Variants in BTNL9 observed in about 807,000 individuals in gnomAD.
BTNL9 encodes butyrophilin like 9.
BTNL9 carries 45 observed loss-of-function variants against 45.8 expected under a neutral mutation model. That is an observed-to-expected ratio of 0.98 (90% CI 0.77 to 1.26). The LOEUF (loss-of-function observed/expected upper bound fraction) is 1.26. Among genes scored for constraint, BTNL9 ranks in the 50% most tolerant of loss-of-function variants. The pLI is 0.00. For missense variants in BTNL9, 784 were observed against 729.7 expected (o/e 1.07, Z -0.86); for synonymous variants, 346 against 330.8 (o/e 1.05, Z -0.50).
At chr5:181,041,957 A>G (rs1458025411) in intron 1 of BTNL9, among the ~76,000 whole-genome samples, 2 of 152,208 alleles carry the variant, frequency 1.3e-5, no homozygotes, top group African/African-American at 4.8e-5. Flanking sequence ...TATCTAAAAA[A>G]ATAACAGTAG....
chr5:181,046,863 G>C (rs986277270), intron 2 of BTNL9, among the ~76,000 whole-genome samples: 4 of 152,190 alleles, frequency 2.6e-5, no homozygotes, highest in Non-Finnish European at 4.4e-5. Context: ...TTGACAGGTA[G>C]GGGATTAGCT....
chr5:181,055,372 C>A lies in BTNL9; in HGVS notation c.908-61C>A. 6.2e-7 allele frequency: 1 copy of A among 1,613,774 alleles called. No individual in the cohort carries two copies. The highest frequency in any genetic ancestry group is 8.5e-7 in the Non-Finnish European group (1 of 1,179,956). ...AAGGAAGCTCTTCCCAGTGGCCTGT[C>A]TTGGGAAGATGGTTCCACCCACCTG... On this transcript the variant is annotated intron_variant, in intron 7 of 10. Transcript: ENST00000327705. The surrounding 1 kb of genome is among the most constrained non-coding windows in gnomAD (Gnocchi z 4.4).
chr5:181,055,051 G>A lies in BTNL9; in HGVS notation c.908-382G>A, dbSNP rs901004027. 1.6e-5 allele frequency: 17 copies of A among 1,055,016 alleles called. No individual in the cohort carries two copies. Among genetic ancestry groups the A allele is most frequent in the Non-Finnish European group, 1.9e-5 (17 of 874,670 alleles). The allele number at this position is 1,055,016 out of a possible 1,614,324, so 65.4% of individuals were successfully genotyped here. ...TTCCAGTCCTTCAGATAACGCACCC[G>A]GTGAGTGACCGTGAGGCTCACGTAG... On this transcript the variant is annotated intron_variant, in intron 7 of 10. Transcript: ENST00000327705. The surrounding 1 kb of genome is among the most constrained non-coding windows in gnomAD (Gnocchi z 4.4).
rs1435818560 is a variant in BTNL9 at position 181,042,630 on chromosome 5, T to C, written c.-24+2198T>C. Among the ~76,000 whole-genome samples the C allele has an allele frequency of 1.3e-5, 2 of 152,144 alleles. No homozygotes were observed. The highest frequency in any genetic ancestry group is 4.8e-5 in the African/African-American group (2 of 41,422). ...GCTAAAGGCTTTCAAGATGATACCC[T>C]TGAGTGTTGGGAGCAAAGGGACCAG... is the stretch of plus-strand genomic sequence containing the variant. On this transcript the variant is annotated intron_variant, in intron 1 of 10. Transcript: ENST00000327705. The surrounding 1 kb of genome is among the most constrained non-coding windows in gnomAD (Gnocchi z 4.5).
rs1761672486 is a variant in BTNL9, at chr5:181,053,261, G to T, written c.798G>T (p.Leu266=). The T allele has an allele frequency of 6.3e-7, 1 of 1,589,180 alleles. No homozygotes were observed. The highest frequency in any genetic ancestry group is 8.6e-7 in the Non-Finnish European group (1 of 1,168,982). The change falls in exon 5 of 11, where the codon CTG becomes CTT. Residue 266 remains leucine (L), a synonymous_variant. Transcript: ENST00000327705. This position sits in a 1 kb window ranked among gnomAD's most constrained non-coding sequence, Gnocchi z 6.5. The part of the protein sequence containing the change: ...KSAFVATLPL[L]LVLAALALGV... ...CGTTCGTCGCGACCCTGCCGCTGCT[G>T]TTGGTCCTCGCGGCGCTGGCGCTGG...
rs750425606 is a variant in BTNL9 at position 181,059,452 on chromosome 5, G to A, written c.1198G>A (p.Ala400Thr). The A allele has an allele frequency of 2.0e-5, 29 of 1,453,652 alleles. 1 individual carries two copies. The highest frequency in any genetic ancestry group is 1.7e-4 in the South Asian group (12 of 71,662). 90.0% of individuals were successfully genotyped at this position (1,453,652 alleles called of 1,614,324 possible). The change falls in exon 11 of 11, where the codon GCC (alanine) becomes ACC (threonine). Residue 400 changes from alanine to threonine, a missense_variant. By Grantham distance (58) the Ala-to-Thr change is moderately conservative. Coordinates refer to ENST00000327705, the MANE Select transcript of BTNL9 (RefSeq NM_152547.5). The stretch of plus-strand genomic sequence containing the variant: ...CCGCCGCAGCCGCTGGTTCCTGGGC[G>A]CCTGCCTGGCCGCGGTGCCGCGCGC... ...VGRRSRWFLG[A>T]CLAAVPRAGP...
Position 181,050,539 on chromosome 5 carries a change from C to A in BTNL9, c.736+170C>A, listed in dbSNP as rs147579877. ...TTGGATATTAGGAACACACTAAGAA[C>A]GCTACTGAGAACCCAAACAGTCAGT... On this transcript the variant is annotated intron_variant, in intron 4 of 10. Coordinates refer to ENST00000327705, the MANE Select transcript of BTNL9 (RefSeq NM_152547.5). This position sits in a 1 kb window ranked among gnomAD's most constrained non-coding sequence, Gnocchi z 4.9. 6.6e-6 allele frequency among the ~76,000 whole-genome samples: 1 copy of A among 152,160 alleles called. No individual in the cohort carries two copies. Among genetic ancestry groups the A allele is most frequent in the Admixed American group, 6.5e-5 (1 of 15,276 alleles).
intron 1 of BTNL9, 90 bp from the exon 2 acceptor site, chr5:181,045,377 G>C: frequency 1.4e-6 from 1 of 697,624 alleles, no homozygotes; most frequent in Non-Finnish European, 2.5e-6. Flanking sequence ...AAAAATAACT[G>C]AGGCCACAAC....
chr5:181,047,955 C>G lies in BTNL9; in HGVS notation c.138C>G (p.Pro46=). ...TCAAGGTGCTAGGCCCTGAGTATCC[C>G]ATCCTGGCCCTCGTCGGGGAGGAGG... ...SEVKVLGPEY[P]ILALVGEEVE... The change falls in exon 3 of 11, where the codon CCC becomes CCG. Residue 46 remains proline, a synonymous_variant. Transcript: ENST00000327705. 1 of 1,613,866 alleles carries G rather than the reference C, an allele frequency of 6.2e-7. No individual in the cohort carries two copies. Among genetic ancestry groups the G allele is most frequent in the Non-Finnish European group, 8.5e-7 (1 of 1,179,996 alleles).
chr5:181,042,974 G>A lies in BTNL9; in HGVS notation c.-23-2493G>A, dbSNP rs958493739. On this transcript the variant is annotated intron_variant, in intron 1 of 10. Transcript: ENST00000327705. This position sits in a 1 kb window ranked among gnomAD's most constrained non-coding sequence, Gnocchi z 4.5. ...CTGAATTCGAGAAGTGCAGAGCGAG[G>A]CTCTGGAACCAGACAGTGGGTGGAA... Among the ~76,000 whole-genome samples, 5 of 152,092 alleles carry A rather than the reference G, an allele frequency of 3.3e-5. No homozygotes were observed. Among genetic ancestry groups the A allele is most frequent in the African/African-American group, 4.8e-5 (2 of 41,398 alleles).
At position 181,048,037 on chromosome 5, in the gene BTNL9, T is replaced by G. The variant is rs1489421474; in HGVS notation, c.220T>G (p.Trp74Gly). 1 of 1,613,798 alleles carries G rather than the reference T, an allele frequency of 6.2e-7. No homozygotes were observed. The highest frequency in any genetic ancestry group is 8.5e-7 in the Non-Finnish European group (1 of 1,180,012). The change falls in exon 3 of 11, where the codon TGG (tryptophan) becomes GGG (glycine). Residue 74 changes from tryptophan to glycine, a missense_variant. Trp to Gly is a radical substitution (Grantham distance 184). Coordinates refer to ENST00000327705, the MANE Select transcript of BTNL9 (RefSeq NM_152547.5). ...QLDAQQMEIR[W>G]FRSQTFNVVH... ...GGATGCCCAGCAAATGGAGATCCGC[T>G]GGTTCCGGAGTCAGACCTTCAATGT... is the stretch of plus-strand genomic sequence containing the variant.
chr5:181,047,663 A>T (rs1761254763), intron 2 of BTNL9: 1 of 616,374 alleles, frequency 1.6e-6, no homozygotes, highest in South Asian at 4.5e-5. Context: ...CCAAAATAAC[A>T]TTTGTACCTG....
Position 181,055,275 on chromosome 5 carries a change from G to A in BTNL9, c.908-158G>A. 1 of 1,504,946 alleles carries A rather than the reference G, an allele frequency of 6.6e-7. No individual in the cohort carries two copies. The highest frequency in any genetic ancestry group is 8.8e-7 in the Non-Finnish European group (1 of 1,132,222). 93.2% of individuals were successfully genotyped at this position (1,504,946 alleles called of 1,614,324 possible). A position where few individuals can be genotyped will look rare whatever the true frequency, so the allele number is the denominator to read the frequency against. On this transcript the variant is annotated intron_variant, in intron 7 of 10. Transcript: ENST00000327705. This position sits in a 1 kb window ranked among gnomAD's most constrained non-coding sequence, Gnocchi z 4.4. ...GTCCTGCAGATGGGCCTCTTTTTGA[G>A]GGCAATGAAGGGGCAAAGAGGAAGC...
At chr5:181,046,972 TACTCACCCAGCG>T (rs1170545840) in intron 2 of BTNL9, among the ~76,000 whole-genome samples, 3 of 152,092 alleles carry the variant, frequency 2.0e-5, no homozygotes, top group African/African-American at 7.2e-5. Flanking sequence ...GGGTATTGGA[TACTCACCCAGCG>T]GGCAATGAGG....
At chr5:181,058,247 C>A (rs764906169) in intron 9 of BTNL9, 105 bp from the exon 10 acceptor site, 2 of 1,294,378 alleles carry the variant, frequency 1.5e-6, no homozygotes, top group Non-Finnish European at 2.2e-6. Flanking sequence ...GGAATGGGGT[C>A]ATTCGATCTG....
At chr5:181,046,551 T>A (rs1156323286) in intron 2 of BTNL9, among the ~76,000 whole-genome samples, 1 of 152,222 alleles carries the variant, frequency 6.6e-6, no homozygotes, top group Non-Finnish European at 1.5e-5. Context: ...TTTCCTGGGC[T>A]GGAAACCAGG....
intron 2 of BTNL9, among the ~76,000 whole-genome samples, chr5:181,046,767 T>C (rs1761195741): frequency 6.6e-6 from 1 of 151,474 alleles, no homozygotes; most frequent in South Asian, 2.1e-4. Flanking sequence ...CTAAGAGCAA[T>C]GATTTGTTCC....
chr5:181,057,837 G>T (rs1761961227), intron 9 of BTNL9, among the ~76,000 whole-genome samples: 1 of 152,210 alleles, frequency 6.6e-6, no homozygotes, highest in Non-Finnish European at 1.5e-5. Flanking sequence ...GTCTTGTGTT[G>T]CTTTTGCTTT....
At position 181,044,841 on chromosome 5, in the gene BTNL9, G is replaced by A. The variant is rs576923727; in HGVS notation, c.-23-626G>A. 6.6e-5 allele frequency among the ~76,000 whole-genome samples: 10 copies of A among 152,258 alleles called. No individual in the cohort carries two copies. In the East Asian group the frequency reaches 1.9e-3, roughly 29 times the overall value. The stretch of plus-strand genomic sequence containing the variant: ...TCACTGTAGCCCCGAAGATGCTATC[G>A]ACACAGAGACAGTTACCAGCTGGCC... On this transcript the variant is annotated intron_variant, in intron 1 of 10. Transcript: ENST00000327705.
Sources: gnomAD v4.1 joint callset for allele counts (sites outside exome capture counted in the v4.1 genomes callset) on GRCh38, gnomAD v4.1.1 for gene constraint, Gnocchi (gnomAD v3.1) non-coding constraint, MANE v1.5 for transcripts, NCBI Gene and HGNC (gene_info 2026-07-23, HGNC 2026-07-21) for gene names.